The following ZRANB3 variants were observed in gnomAD, a reference collection of about 807,000 sequenced individuals.
ZRANB3 encodes the protein zinc finger RANBP2-type containing 3, also known as DNA annealing helicase and endonuclease ZRANB3.
ZRANB3 carries 125 observed loss-of-function variants against 133.8 expected under a neutral mutation model. The observed-to-expected ratio is 0.93, with a 90% CI of 0.81 to 1.08. The LOEUF (loss-of-function observed/expected upper bound fraction) is 1.08. Among genes scored for constraint, ZRANB3 ranks in the 50% least tolerant of loss-of-function variants. The pLI is 0.00. For synonymous variants in ZRANB3, 387 were observed against 432.7 expected, an observed-to-expected ratio of 0.89 and a Z score of 1.31; for missense variants, 1,229 against 1,275.5, an observed-to-expected ratio of 0.96 and a Z score of 0.56.
chr2:135,404,799 A>C (rs1011831614), intron 2 of ZRANB3, among the ~76,000 whole-genome samples: 2 of 152,216 alleles, frequency 1.3e-5, no homozygotes, highest in African/African-American at 4.8e-5. Context: ...GCCAATATTC[A>C]ACATTCTTAA....
At chr2:135,277,940 A>G (rs4954232) in intron 8 of ZRANB3, among the ~76,000 whole-genome samples, 15,538 of 151,536 alleles carry the variant, frequency 0.1, 1,069 homozygotes, top group South Asian at 0.32. Flanking sequence ...AAACAAAAAA[A>G]AAAAACAAAT....
intron 2 of ZRANB3, among the ~76,000 whole-genome samples, chr2:135,421,191 C>T (rs4292132): frequency 0.1 from 15,903 of 152,160 alleles, 1,097 homozygotes; most frequent in South Asian, 0.32. Context: ...ATATAATTTA[C>T]TTCTTGTAAC....
intron 2 of ZRANB3, among the ~76,000 whole-genome samples, chr2:135,429,401 G>A (rs1689224586): frequency 6.6e-6 from 1 of 152,116 alleles, no homozygotes; most frequent in Admixed American, 6.5e-5. Context: ...AGAGTGGGAG[G>A]AGGGAGAGGA....
intron 2 of ZRANB3, among the ~76,000 whole-genome samples, chr2:135,432,450 G>C (rs1470840560): frequency 6.6e-6 from 1 of 152,102 alleles, no homozygotes; most frequent in Non-Finnish European, 1.5e-5. Flanking sequence ...GTCAAGATCA[G>C]CAATAAACAT....
chr2:135,208,870 T>C lies in ZRANB3; in HGVS notation c.2604A>G (p.Thr868=). Residue 868 remains threonine (T), a splice_region_variant and synonymous_variant, in exon 18 of 21, where the codon ACA becomes ACG. Transcript: ENST00000264159. The part of the protein sequence containing the change: ...TKESRPRDPF[T]KKLLEDGACV... ...TACTAGTAGTAGAAAAACCTTACTT[T>C]GTGAAAGGATCCCGTGGCCTGGACT... 6.2e-7 allele frequency: 1 copy of C among 1,613,804 alleles called. No individual in the cohort carries two copies. Among genetic ancestry groups the C allele is most frequent in the Non-Finnish European group, 8.5e-7 (1 of 1,179,732 alleles).
At chr2:135,219,231 A>G (rs1286742298) in intron 15 of ZRANB3, 53 bp from the exon 16 acceptor site, 5 of 1,122,046 alleles carry the variant, frequency 4.5e-6, no homozygotes, top group Non-Finnish European at 6.2e-6. Flanking sequence ...AGGCACTAGT[A>G]ACTATTTTAA....
At chr2:135,224,365 G>T in intron 15 of ZRANB3, 61 bp downstream of exon 15, 1 of 1,355,318 alleles carries the variant, frequency 7.4e-7, no homozygotes, top group Non-Finnish European at 1.0e-6. Flanking sequence ...TATCTCCACT[G>T]AAAAGTGAAA....
At chr2:135,256,331 T>A (rs1679651147) in intron 12 of ZRANB3, among the ~76,000 whole-genome samples, 1 of 152,100 alleles carries the variant, frequency 6.6e-6, no homozygotes, top group Admixed American at 6.5e-5. Context: ...TATCTTTTTT[T>A]TGTTTGTTTG....
intron 2 of ZRANB3, among the ~76,000 whole-genome samples, chr2:135,401,406 C>A (rs1050733374): frequency 6.6e-6 from 1 of 152,072 alleles, no homozygotes; most frequent in Non-Finnish European, 1.5e-5. Flanking sequence ...TCGATAAAAA[C>A]GGCCTTAGAA....
chr2:135,291,983 T>C (rs1356726874), intron 8 of ZRANB3, among the ~76,000 whole-genome samples: 2 of 152,230 alleles, frequency 1.3e-5, no homozygotes, highest in Non-Finnish European at 2.9e-5. Context: ...ATTTTCTTAA[T>C]CCAGTCTATC....
intron 2 of ZRANB3, among the ~76,000 whole-genome samples, chr2:135,454,319 T>C (rs1010978242): frequency 1.3e-5 from 2 of 152,192 alleles, no homozygotes; most frequent in African/African-American, 4.8e-5. Flanking sequence ...TGAAACCATA[T>C]CAACATTCAT....
intron 2 of ZRANB3, among the ~76,000 whole-genome samples, chr2:135,495,263 AGTT>A (rs944565834): frequency 1.3e-5 from 2 of 152,216 alleles, no homozygotes; most frequent in African/African-American, 4.8e-5. Flanking sequence ...AAAAATAAAA[AGTT>A]AAATTATTAA....
chr2:135,278,180 G>T (rs1470870892), intron 8 of ZRANB3, among the ~76,000 whole-genome samples: 1 of 152,048 alleles, frequency 6.6e-6, no homozygotes, highest in African/African-American at 2.4e-5. Flanking sequence ...TCATTATCAA[G>T]AAATTTTAGA....
intron 12 of ZRANB3, among the ~76,000 whole-genome samples, chr2:135,259,844 T>C (rs1290160728): frequency 1.3e-5 from 2 of 152,138 alleles, no homozygotes; most frequent in African/African-American, 2.4e-5. Flanking sequence ...TTATAGTTTA[T>C]ATATAATGGA....
At chr2:135,446,638 G>T (rs1336898063) in intron 2 of ZRANB3, among the ~76,000 whole-genome samples, 3 of 152,180 alleles carry the variant, frequency 2.0e-5, no homozygotes, top group Non-Finnish European at 4.4e-5. Flanking sequence ...CATGAGGACA[G>T]AAAATAAGAA....
intron 3 of ZRANB3, among the ~76,000 whole-genome samples, chr2:135,379,716 G>T (rs562068224): frequency 2.0e-5 from 3 of 152,182 alleles, no homozygotes; most frequent in African/African-American, 7.2e-5. Flanking sequence ...ACACCAAATT[G>T]TAAAGACCAT....
chr2:135,315,497 T>C lies in ZRANB3; in HGVS notation c.711A>G (p.Arg237=), dbSNP rs374658437. ...GAAGTTCATTAAGATTTGATGCCCC[T>C]CTACAATCCCACTGAGGTCTTTTAC... ...YFGKRPQWDC[R]GASNLNELHQ... is the part of the protein sequence containing the mutation. The change falls in exon 7 of 21, where the codon AGA becomes AGG. Residue 237 remains arginine, a synonymous_variant. Transcript: ENST00000264159. 400 of 1,572,298 alleles carry C rather than the reference T, an allele frequency of 2.5e-4. No individual in the cohort carries two copies. Among genetic ancestry groups the C allele is most frequent in the Non-Finnish European group, 3.3e-4 (380 of 1,164,020 alleles).
intron 18 of ZRANB3, 52 bp downstream of exon 18, chr2:135,208,816 T>G (rs1458732308): frequency 2.8e-6 from 4 of 1,439,500 alleles, no homozygotes; most frequent in Non-Finnish European, 3.9e-6. Flanking sequence ...AATACATAAA[T>G]GTAAAGGAGT....
chr2:135,387,296 G>A (rs1438522564), intron 3 of ZRANB3, among the ~76,000 whole-genome samples: 2 of 152,130 alleles, frequency 1.3e-5, no homozygotes, highest in South Asian at 2.1e-4. Flanking sequence ...ATTATAAATT[G>A]TACTTCCTTC....
Sources: allele counts gnomAD v4.1 joint callset (sites outside exome capture counted in the v4.1 genomes callset), GRCh38; gene constraint gnomAD v4.1.1; transcripts MANE v1.5; gene names NCBI Gene and HGNC (gene_info 2026-07-23, HGNC 2026-07-21).